ADAMTSL4: variants seen among roughly 807,000 people sequenced by gnomAD.
ADAMTSL4 encodes ADAMTS-like protein 4.
In ADAMTSL4, 97 loss-of-function variants were observed where a neutral mutation model predicts 122.8. The ratio of observed to expected loss-of-function variants is 0.79; its 90% confidence interval spans 0.67 to 0.93. The LOEUF (loss-of-function observed/expected upper bound fraction) is 0.93. Ranked by LOEUF, ADAMTSL4 falls within the 40% of genes least tolerant of loss-of-function variation. ADAMTSL4 has a pLI of 0.00. For missense variants in ADAMTSL4, 1,408 were observed against 1,453.5 expected (o/e 0.97, Z 0.51); for synonymous variants, 592 against 568.0 (o/e 1.04, Z -0.60).
In ADAMTSL4 at chr1:150,557,326, T is replaced by G; in HGVS notation, c.2038T>G (p.Cys680Gly). ...RVGHSACSAS[C>G]GKGVWRPIFL... ...GGGACACTCTGCATGCTCAGCGTCC[T>G]GCGGGAAAGGTGAGACATCACAGTG... The change falls in exon 12 of 19, where the codon TGC becomes GGC. Residue 680 changes from cysteine (C) to glycine (G), a missense_variant. Coordinates refer to ENST00000271643, the MANE Select transcript of ADAMTSL4 (RefSeq NM_019032.6). 6.2e-7 allele frequency: 1 copy of G among 1,610,784 alleles called. No homozygotes were observed. Among genetic ancestry groups the G allele is most frequent in the Non-Finnish European group, 8.5e-7 (1 of 1,178,908 alleles).
rs1252039399 is a variant in ADAMTSL4, at chr1:150,560,077, A to G, written c.3106A>G (p.Ser1036Gly). 1 of 1,613,958 alleles carries G rather than the reference A, an allele frequency of 6.2e-7. No homozygotes were observed. Among genetic ancestry groups the G allele is most frequent in the Non-Finnish European group, 8.5e-7 (1 of 1,180,014 alleles). Reference protein sequence around the residue: ...SQRPDDQCKDSSPHCPLVVQA... With the variant: ...SQRPDDQCKDGSPHCPLVVQA... ...GTCCCCAGATGATCAATGCAAGGACAGCTCTCCACATTGCCCCCTGGTGGT... is the reference window on the plus strand; with the variant it reads ...GTCCCCAGATGATCAATGCAAGGACGGCTCTCCACATTGCCCCCTGGTGGT... Residue 1036 changes from serine to glycine, a missense_variant, in exon 19 of 19, where the codon AGC becomes GGC. Physicochemically the swap from Ser to Gly is moderately conservative, Grantham distance 56 (BLOSUM62 0). Transcript: ENST00000271643.
At position 150,557,144 on chromosome 1, in the gene ADAMTSL4, G is replaced by A; in HGVS notation, c.1862-6G>A. 2 of 1,612,454 alleles carry A rather than the reference G, an allele frequency of 1.2e-6. No homozygotes were observed. Among genetic ancestry groups the A allele is most frequent in the Non-Finnish European group, 1.7e-6 (2 of 1,179,890 alleles). ...TGGCATCTGATTCGCCTGCTCCCCT[G>A]CACAGAGATTCTGAGGGTGGAGCCC... On this transcript the variant is annotated splice_polypyrimidine_tract_variant and splice_region_variant and intron_variant, in intron 11 of 18. Coordinates refer to ENST00000271643, the MANE Select transcript of ADAMTSL4 (RefSeq NM_019032.6).
In ADAMTSL4 at chr1:150,555,703, A is replaced by T. The variant is rs111359935; in HGVS notation, c.1371+138A>T. 5 of 1,230,058 alleles carry T rather than the reference A, an allele frequency of 4.1e-6. No individual in the cohort carries two copies. The African/African-American group carries it at 6.0e-5, about 15-fold the overall frequency. The allele number at this position is 1,230,058 out of a possible 1,614,324, so 76.2% of individuals were successfully genotyped here. ...CACATACACACACGCATATGCGCAC[A>T]GACACATGCACACACGCACACACAC... On this transcript the variant is annotated intron_variant, in intron 8 of 18. Transcript: ENST00000271643.
In ADAMTSL4 at chr1:150,559,880, C is replaced by T. The variant is rs1160942396; in HGVS notation, c.3063C>T (p.Asn1021=). 4 of 1,613,932 alleles carry T rather than the reference C, an allele frequency of 2.5e-6. No homozygotes were observed. The highest frequency in any genetic ancestry group is 4.5e-5 in the East Asian group (2 of 44,888). The stretch of plus-strand genomic sequence containing the variant: ...GGCCCTCCAGGAAGCGCCCCTGTAA[C>T]AGCCAACCCTGCAGCCAGCGCCCTG... ...QLRPSRKRPC[N]SQPCSQRPDD... is the part of the protein sequence containing the mutation. Residue 1021 remains asparagine, a synonymous_variant, in exon 18 of 19, where the codon AAC becomes AAT. Coordinates refer to ENST00000271643, the MANE Select transcript of ADAMTSL4 (RefSeq NM_019032.6). This position sits in a 1 kb window ranked among gnomAD's most constrained non-coding sequence, Gnocchi z 4.1.
chr1:150,552,015 AGGGCTGAGGTCAGC>A lies in ADAMTSL4; in HGVS notation c.-84-189_-84-176del. On this transcript the variant is annotated intron_variant, in intron 2 of 18. Transcript: ENST00000271643. This position sits in a 1 kb window ranked among gnomAD's most constrained non-coding sequence, Gnocchi z 4.0. ...GAGGTGGGGACTGAGCCTTAGTTGG[AGGGCTGAGGTCAGC>A]CCCTGACCATGTAGCCTCTACAGAT... The A allele has an allele frequency of 2.0e-6, 1 of 502,968 alleles. No homozygotes were observed. The highest frequency in any genetic ancestry group is 3.5e-6 in the Non-Finnish European group (1 of 283,086). 31.2% of individuals were successfully genotyped at this position (502,968 alleles called of 1,614,324 possible). A position where few individuals can be genotyped will look rare whatever the true frequency, so the allele number is the denominator to read the frequency against.
chr1:150,555,725 ACACACACGCACACACACGCATATG>A (rs1188897767), intron 8 of ADAMTSL4, among the ~76,000 whole-genome samples, 160 bp downstream of exon 8: 1 of 149,518 alleles, frequency 6.7e-6, no homozygotes, highest in Non-Finnish European at 1.5e-5. Context: ...ACACGCACAC[ACACACACGCACACACACGCATATG>A]CACACACATG....
rs780932298 is a variant in ADAMTSL4, at chr1:150,557,166, G to C, written c.1878G>C (p.Glu626Asp). 1 of 1,611,660 alleles carries C rather than the reference G, an allele frequency of 6.2e-7. No individual in the cohort carries two copies. Among genetic ancestry groups the C allele is most frequent in the Non-Finnish European group, 8.5e-7 (1 of 1,179,802 alleles). Residue 626 changes from glutamate to aspartate, a missense_variant, in exon 12 of 19, where the codon GAG becomes GAC. Glu to Asp is a conservative substitution (Grantham distance 45, BLOSUM62 2). Coordinates refer to ENST00000271643, the MANE Select transcript of ADAMTSL4 (RefSeq NM_019032.6). ...PQLQPEILRV[E>D]PPLAPAPRPA... ...CCTGCACAGAGATTCTGAGGGTGGAGCCCCCACTTGCTCCGGCACCCCGCC... is the reference window on the plus strand; with the variant it reads ...CCTGCACAGAGATTCTGAGGGTGGACCCCCCACTTGCTCCGGCACCCCGCC...
At position 150,552,930 on chromosome 1, in the gene ADAMTSL4, A is replaced by C. The variant is rs760309871; in HGVS notation, c.111A>C (p.Thr37=). 1.5e-5 allele frequency: 24 copies of C among 1,612,894 alleles called. No individual in the cohort carries two copies. Among genetic ancestry groups the C allele is most frequent in the Non-Finnish European group, 1.9e-5 (23 of 1,179,972 alleles). Residue 37 remains threonine (T), a synonymous_variant, in exon 5 of 19, where the codon ACA becomes ACC. Transcript: ENST00000271643. The surrounding 1 kb of genome is among the most constrained non-coding windows in gnomAD (Gnocchi z 4.0). The part of the protein sequence containing the change: ...VLSGHSLQTP[T]EEGQGPEGVW... ...CCGGACACTCTCTTCAGACACCTACAGAGGAGGGCCAGGGCCCCGAAGGTG... is the reference window on the plus strand; with the variant it reads ...CCGGACACTCTCTTCAGACACCTACCGAGGAGGGCCAGGGCCCCGAAGGTG...
rs770578919 is a variant in ADAMTSL4, at chr1:150,554,127, G to A, written c.1131+5G>A. The A allele has an allele frequency of 6.3e-7, 1 of 1,598,542 alleles. No individual in the cohort carries two copies. The highest frequency in any genetic ancestry group is 8.5e-7 in the Non-Finnish European group (1 of 1,179,894). Reference sequence around the variant, plus strand: ...CTAAGAGCCTGCAGCCAAGCGGTGAGTCTCCTCGGGCCTCCCCTCCCAACC... The same window carrying A: ...CTAAGAGCCTGCAGCCAAGCGGTGAATCTCCTCGGGCCTCCCCTCCCAACC... On this transcript the variant is annotated splice_donor_5th_base_variant and intron_variant, in intron 6 of 18. Transcript: ENST00000271643. This position sits in a 1 kb window ranked among gnomAD's most constrained non-coding sequence, Gnocchi z 4.0.
At chr1:150,551,733 C>T (rs11204663) in intron 2 of ADAMTSL4, 2,170 of 155,004 alleles carry the variant, frequency 0.014, 59 homozygotes, top group African/African-American at 0.05. Context: ...ATCCCATCTC[C>T]ACCAAAAAAT....
At position 150,553,530 on chromosome 1, in the gene ADAMTSL4, G is replaced by T; in HGVS notation, c.539G>T (p.Arg180Ile). The change falls in exon 6 of 19, where the codon AGA becomes ATA. Residue 180 changes from arginine to isoleucine, a missense_variant. By Grantham distance (97) the Arg-to-Ile change is moderately conservative (BLOSUM62 -3). Transcript: ENST00000271643. ...RNRRHPRSPP[R>I]SELSLISSRG... ...CGCAGGCACCCTCGGAGCCCACCCA[G>T]ATCTGAGCTGTCCCTGATCTCTTCT... is the stretch of plus-strand genomic sequence containing the variant. 6 of 1,613,916 alleles carry T rather than the reference G, an allele frequency of 3.7e-6. No individual in the cohort carries two copies. Among genetic ancestry groups the T allele is most frequent in the Non-Finnish European group, 5.1e-6 (6 of 1,179,976 alleles).
chr1:150,554,249 C>T lies in ADAMTSL4; in HGVS notation c.1132-116C>T. 1 of 1,433,436 alleles carries T rather than the reference C, an allele frequency of 7.0e-7. No individual in the cohort carries two copies. Among genetic ancestry groups the T allele is most frequent in the South Asian group, 1.1e-5 (1 of 87,252 alleles). 88.8% of individuals were successfully genotyped at this position (1,433,436 alleles called of 1,614,324 possible). On this transcript the variant is annotated intron_variant, in intron 6 of 18. Coordinates refer to ENST00000271643, the MANE Select transcript of ADAMTSL4 (RefSeq NM_019032.6). This position sits in a 1 kb window ranked among gnomAD's most constrained non-coding sequence, Gnocchi z 4.0. ...GCCTTGGCATCTGACCACCTCAGGGCAGGGGTCTTGGAGCTCTTCCGCTGA... is the reference window on the plus strand; with the variant it reads ...GCCTTGGCATCTGACCACCTCAGGGTAGGGGTCTTGGAGCTCTTCCGCTGA...
chr1:150,555,674 C>T, intron 8 of ADAMTSL4, 109 bp downstream of exon 8: 2 of 1,483,236 alleles, frequency 1.3e-6, no homozygotes, highest in Non-Finnish European at 1.8e-6. Flanking sequence ...TGCACACATG[C>T]AAGCACATAC....
chr1:150,552,257 C>T lies in ADAMTSL4; in HGVS notation c.-32C>T. 1.3e-6 allele frequency: 2 copies of T among 1,550,514 alleles called. No individual in the cohort carries two copies. The highest frequency in any genetic ancestry group is 1.7e-6 in the Non-Finnish European group (2 of 1,146,150). On this transcript the variant is annotated 5_prime_UTR_variant, in exon 3 of 19. Coordinates refer to ENST00000271643, the MANE Select transcript of ADAMTSL4 (RefSeq NM_019032.6). The surrounding 1 kb of genome is among the most constrained non-coding windows in gnomAD (Gnocchi z 4.0). ...CGTAGTTTTTGTGACCAGTCCGCTC[C>T]TGCCTCCCCCTGGGGCAGTAGAGGG... is the stretch of plus-strand genomic sequence containing the variant.
At chr1:150,555,852 CACACATGCATGA>C in intron 8 of ADAMTSL4, 1 of 606,656 alleles carries the variant, frequency 1.6e-6, no homozygotes, top group South Asian at 1.9e-5. Flanking sequence ...CACATGTAGA[CACACATGCATGA>C]ACACATGCAC....
chr1:150,552,877 C>T lies in ADAMTSL4; in HGVS notation c.79-21C>T. ...TTCCCTCTAATCCTTCCAATTCTGTCTGACCTTTTTCTCTATATAGGTGTT... is the reference window on the plus strand; with the variant it reads ...TTCCCTCTAATCCTTCCAATTCTGTTTGACCTTTTTCTCTATATAGGTGTT... On this transcript the variant is annotated intron_variant, in intron 4 of 18. Coordinates refer to ENST00000271643, the MANE Select transcript of ADAMTSL4 (RefSeq NM_019032.6). The surrounding 1 kb of genome is among the most constrained non-coding windows in gnomAD (Gnocchi z 4.0). 1 of 1,606,996 alleles carries T rather than the reference C, an allele frequency of 6.2e-7. No individual in the cohort carries two copies. The highest frequency in any genetic ancestry group is 1.7e-5 in the Admixed American group (1 of 60,006).
At position 150,552,796 on chromosome 1, in the gene ADAMTSL4, G is replaced by T; in HGVS notation, c.79-102G>T. 1 of 1,363,416 alleles carries T rather than the reference G, an allele frequency of 7.3e-7. No individual in the cohort carries two copies. The highest frequency in any genetic ancestry group is 1.0e-6 in the Non-Finnish European group (1 of 963,126). The allele number at this position is 1,363,416 out of a possible 1,614,324, so 84.5% of individuals were successfully genotyped here. A position where few individuals can be genotyped will look rare whatever the true frequency, so the allele number is the denominator to read the frequency against. ...TCCCTCTGCTGCTGAATGTGACCTT[G>T]GACTGGTAGCGACTCCGTGAGCCTC... On this transcript the variant is annotated intron_variant, in intron 4 of 18. Transcript: ENST00000271643. This position sits in a 1 kb window ranked among gnomAD's most constrained non-coding sequence, Gnocchi z 4.0.
In ADAMTSL4 at chr1:150,556,101, G is replaced by A. The variant is rs587638108; in HGVS notation, c.1372-61G>A. Reference sequence around the variant, plus strand: ...GTGAGCTGAGGCTCCCGAGGGGACCGGGGTGGGGTTGAGGTGGTGTCTGGC... The same window carrying A: ...GTGAGCTGAGGCTCCCGAGGGGACCAGGGTGGGGTTGAGGTGGTGTCTGGC... On this transcript the variant is annotated intron_variant, in intron 8 of 18. Coordinates refer to ENST00000271643, the MANE Select transcript of ADAMTSL4 (RefSeq NM_019032.6). The surrounding 1 kb of genome is among the most constrained non-coding windows in gnomAD (Gnocchi z 4.1). 184 of 1,587,142 alleles carry A rather than the reference G, an allele frequency of 1.2e-4. No individual in the cohort carries two copies. The highest frequency in any genetic ancestry group is 1.2e-4 in the Admixed American group (7 of 59,926).
At position 150,553,836 on chromosome 1, in the gene ADAMTSL4, G is replaced by C. The variant is rs150503018; in HGVS notation, c.845G>C (p.Arg282Pro). 1.2e-6 allele frequency: 2 copies of C among 1,614,064 alleles called. No homozygotes were observed. Among genetic ancestry groups the C allele is most frequent in the Non-Finnish European group, 1.7e-6 (2 of 1,180,012 alleles). The change falls in exon 6 of 19, where the codon CGA (arginine) becomes CCA (proline). Residue 282 changes from arginine (R) to proline (P), a missense_variant. Coordinates refer to ENST00000271643, the MANE Select transcript of ADAMTSL4 (RefSeq NM_019032.6). ...GGFFRASPQP[R>P]RPSSQGWASP... ...TTCTTCCGTGCATCCCCTCAGCCAC[G>C]AAGGCCAAGTTCCCAGGGTTGGGCC...
Sources: gnomAD v4.1 joint callset for allele counts (sites outside exome capture counted in the v4.1 genomes callset) on GRCh38, gnomAD v4.1.1 for gene constraint, Gnocchi (gnomAD v3.1) non-coding constraint, MANE v1.5 for transcripts, NCBI Gene and HGNC (gene_info 2026-07-23, HGNC 2026-07-21) for gene names.